Variants in DEGS2 observed in about 807,000 individuals in gnomAD.
The protein encoded by DEGS2 is sphingolipid delta(4)-desaturase/C4-monooxygenase DES2.
Under a neutral mutation model 23.8 loss-of-function variants are expected in DEGS2, and 19 were observed. That is an observed-to-expected ratio of 0.80 (90% CI 0.56 to 1.17). The LOEUF is 1.17. DEGS2 is among the 50% of genes most tolerant of loss of function. DEGS2 has a pLI of 0.00. For synonymous variants in DEGS2, 218 were observed against 213.7 expected, an observed-to-expected ratio of 1.02 and a Z score of -0.18; for missense variants, 390 against 459.5, an observed-to-expected ratio of 0.85 and a Z score of 1.38.
chr14:100,162,668 G>A (rs1889762986), upstream of DEGS2, among the ~76,000 whole-genome samples: 1 of 152,212 alleles, frequency 6.6e-6, no homozygotes, highest in African/African-American at 2.4e-5. Context: ...AAACTGAGAG[G>A]GAGCCCACCA....
In DEGS2 at chr14:100,148,656, G is replaced by A. The variant is rs145906721; in HGVS notation, c.825+312C>T. ...GCAGACGGGAAGGATGGTGCTTCCC[G>A]TGCAGTGTTGCTAATGCTGCCCCTC... is the stretch of plus-strand genomic sequence containing the variant. On this transcript the variant is annotated intron_variant, in intron 2 of 2. Coordinates refer to ENST00000305631, the MANE Select transcript of DEGS2 (RefSeq NM_206918.3). Among the ~76,000 whole-genome samples, 92 of 152,322 alleles carry A rather than the reference G, an allele frequency of 6.0e-4. No homozygotes were observed. In the East Asian group the frequency reaches 0.011, roughly 18 times the overall value.
In DEGS2 at chr14:100,159,620, C is replaced by G. The variant is rs1428679702; in HGVS notation, c.-33G>C. ...CGGGAGGCGCCGTTCGGAGCGCGGC[C>G]GGCTCGGCTCTGCTGCACCTGTCGC... On this transcript the variant is annotated 5_prime_UTR_variant, in exon 1 of 3. Transcript: ENST00000305631. 1 of 1,334,714 alleles carries G rather than the reference C, an allele frequency of 7.5e-7. No individual in the cohort carries two copies. Among genetic ancestry groups the G allele is most frequent in the Non-Finnish European group, 9.8e-7 (1 of 1,023,436 alleles). The allele number at this position is 1,334,714 out of a possible 1,614,324, so 82.7% of individuals were successfully genotyped here. A position where few individuals can be genotyped will look rare whatever the true frequency, so the allele number is the denominator to read the frequency against.
chr14:100,149,745 C>A, intron 1 of DEGS2, 35 bp from the exon 2 acceptor site: 1 of 1,555,422 alleles, frequency 6.4e-7, no homozygotes, highest in South Asian at 1.2e-5. Context: ...AGGCCCCGCT[C>A]GGTGGGGCTG....
rs1266550230 is a variant in DEGS2, at chr14:100,146,635, G to A, written c.*126C>T. ...CTGCTGTTGCCAGGTGTGGCTGCGC[G>A]GGACACTCCTCGGGGACAAGGGCAG... On this transcript the variant is annotated 3_prime_UTR_variant, in exon 3 of 3. Transcript: ENST00000305631. The A allele has an allele frequency of 2.0e-5, 27 of 1,382,744 alleles. No homozygotes were observed. The highest frequency in any genetic ancestry group is 7.2e-5 in the African/African-American group (5 of 69,330). The allele number at this position is 1,382,744 out of a possible 1,614,324, so 85.7% of individuals were successfully genotyped here. A position where few individuals can be genotyped will look rare whatever the true frequency, so the allele number is the denominator to read the frequency against.
In DEGS2 at chr14:100,146,872, C is replaced by T; in HGVS notation, c.861G>A (p.Leu287=). ...CCTTCACCCAGGAGTGGTGCTGCGG[C>T]AGGTGGTCGTAGTACTCGGGCGCGA... The part of the protein sequence containing the change: ...RKIAPEYYDH[L]PQHHSWVKVL... The change falls in exon 3 of 3, where the codon CTG becomes CTA. Residue 287 remains leucine, a synonymous_variant. Transcript: ENST00000305631. The T allele has an allele frequency of 1.9e-6, 3 of 1,613,688 alleles. No homozygotes were observed. The highest frequency in any genetic ancestry group is 2.2e-5 in the East Asian group (1 of 44,868).
rs1889392159 is a variant in DEGS2 at position 100,144,376 on chromosome 14, A to G, written c.*2385T>C. The G allele has an allele frequency of 6.6e-6, 1 of 152,356 alleles. No homozygotes were observed. The highest frequency in any genetic ancestry group is 1.5e-5 in the Non-Finnish European group (1 of 68,176). The allele number at this position is 152,356 out of a possible 1,614,324, so 9.4% of individuals were successfully genotyped here. On this transcript the variant is annotated 3_prime_UTR_variant, in exon 3 of 3. Transcript: ENST00000305631. Reference sequence around the variant, plus strand: ...TTCGACAGGAAGCTGGGCTCAGAACATTCCCAAGCCCCGGGAAGGTGGGGT... The same window carrying G: ...TTCGACAGGAAGCTGGGCTCAGAACGTTCCCAAGCCCCGGGAAGGTGGGGT...
At position 100,146,536 on chromosome 14, in the gene DEGS2, G is replaced by T. The variant is rs1446972662; in HGVS notation, c.*225C>A. ...TGGGGCAGGGCCAGGCCTCACCTGG[G>T]GAGGCCCAGAAAGGGAGGGCCACAC... On this transcript the variant is annotated 3_prime_UTR_variant, in exon 3 of 3. Coordinates refer to ENST00000305631, the MANE Select transcript of DEGS2 (RefSeq NM_206918.3). 2 of 581,518 alleles carry T rather than the reference G, an allele frequency of 3.4e-6. No homozygotes were observed. Among genetic ancestry groups the T allele is most frequent in the South Asian group, 4.4e-5 (2 of 45,744 alleles). 36.0% of individuals were successfully genotyped at this position (581,518 alleles called of 1,614,324 possible).
upstream of DEGS2, among the ~76,000 whole-genome samples, chr14:100,162,581 C>G (rs1229316675): frequency 6.6e-6 from 1 of 152,014 alleles, no homozygotes; most frequent in Non-Finnish European, 1.5e-5. Flanking sequence ...AATATAGTTT[C>G]TTTTAAATAT....
Position 100,146,811 on chromosome 14 carries a change from G to A in DEGS2, c.922C>T (p.Pro308Ser), listed in dbSNP as rs1566739724. The change falls in exon 3 of 3, where the codon CCC becomes TCC. Residue 308 changes from proline to serine, a missense_variant. Coordinates refer to ENST00000305631, the MANE Select transcript of DEGS2 (RefSeq NM_206918.3). ...WDFVFEDSLG[P>S]YARVKRVYRL... Reference sequence around the variant, plus strand: ...TACACCCGCTTCACCCTGGCATAGGGCCCCAGGGAGTCCTCAAACACAAAA... The same window carrying A: ...TACACCCGCTTCACCCTGGCATAGGACCCCAGGGAGTCCTCAAACACAAAA... 6.2e-7 allele frequency: 1 copy of A among 1,613,800 alleles called. No homozygotes were observed. Among genetic ancestry groups the A allele is most frequent in the East Asian group, 2.2e-5 (1 of 44,868 alleles).
Position 100,146,562 on chromosome 14 carries a change from T to G in DEGS2, c.*199A>C, listed in dbSNP as rs1368355704. The G allele has an allele frequency of 8.5e-6, 6 of 704,452 alleles. No homozygotes were observed. Among genetic ancestry groups the G allele is most frequent in the Non-Finnish European group, 1.4e-5 (6 of 444,214 alleles). 43.6% of individuals were successfully genotyped at this position (704,452 alleles called of 1,614,324 possible). A position where few individuals can be genotyped will look rare whatever the true frequency, so the allele number is the denominator to read the frequency against. On this transcript the variant is annotated 3_prime_UTR_variant, in exon 3 of 3. Transcript: ENST00000305631. ...GAGGCCCAGAAAGGGAGGGCCACACTCAAGGTCCAGGGCAAGTCCACGTGC... is the reference window on the plus strand; with the variant it reads ...GAGGCCCAGAAAGGGAGGGCCACACGCAAGGTCCAGGGCAAGTCCACGTGC...
upstream of DEGS2, among the ~76,000 whole-genome samples, chr14:100,162,998 C>G (rs1002025098): frequency 6.6e-6 from 1 of 152,160 alleles, no homozygotes; most frequent in Non-Finnish European, 1.5e-5. Context: ...CAGCACACGT[C>G]GGAGGAAAGC....
At chr14:100,152,058 CA>C (rs1458895560) in intron 1 of DEGS2, among the ~76,000 whole-genome samples, 6 of 152,086 alleles carry the variant, frequency 3.9e-5, no homozygotes, top group Non-Finnish European at 7.4e-5. Flanking sequence ...GGTCAGCTGC[CA>C]GGGGTCACAG....
intron 1 of DEGS2, among the ~76,000 whole-genome samples, chr14:100,153,573 A>C (rs1370029287): frequency 6.6e-6 from 1 of 152,108 alleles, no homozygotes; most frequent in East Asian, 1.9e-4. Flanking sequence ...CTCTGGCTAG[A>C]CACCCAAACC....
chr14:100,157,830 G>A (rs983795780), intron 1 of DEGS2, among the ~76,000 whole-genome samples: 13 of 152,194 alleles, frequency 8.5e-5, no homozygotes, highest in African/African-American at 2.9e-4. Context: ...GCTCACACCT[G>A]TAATCCCAAC....
chr14:100,149,509 G>T lies in DEGS2; in HGVS notation c.284C>A (p.Ala95Glu), dbSNP rs754615247. 1 of 1,600,968 alleles carries T rather than the reference G, an allele frequency of 6.2e-7. No homozygotes were observed. The highest frequency in any genetic ancestry group is 8.5e-7 in the Non-Finnish European group (1 of 1,175,290). The change falls in exon 2 of 3, where the codon GCG (alanine) becomes GAG (glutamate). Residue 95 changes from alanine to glutamate, a missense_variant. Coordinates refer to ENST00000305631, the MANE Select transcript of DEGS2 (RefSeq NM_206918.3). ...TGCCGCACGGCCCGTGCCGAAGGCC[G>T]CGTTGTGCGAGATGTCGTGGATGGC... ...TLAIHDISHN[A>E]AFGTGRAARN...
At chr14:100,163,398 C>T (rs1036447048), upstream of DEGS2, among the ~76,000 whole-genome samples, 3 of 152,128 alleles carry the variant, frequency 2.0e-5, no homozygotes, top group Non-Finnish European at 4.4e-5. Context: ...GCTGAGATTT[C>T]GCTACTGCAC....
At chr14:100,148,515 A>C in intron 2 of DEGS2, among the ~76,000 whole-genome samples, 1 of 151,220 alleles carries the variant, frequency 6.6e-6, no homozygotes, top group East Asian at 1.9e-4. Context: ...CGGGGCTTCC[A>C]CTCCCCATCA....
In DEGS2 at chr14:100,152,751, C is replaced by T. The variant is rs531468121; in HGVS notation, c.83-3041G>A. 4.4e-4 allele frequency among the ~76,000 whole-genome samples: 67 copies of T among 152,228 alleles called. No individual in the cohort carries two copies. The East Asian group carries it at 4.8e-3, about 11-fold the overall frequency. ...CCGTCGAGTTCCCTGGTTCTGAGGCCCTCAGACTCAGACTGAACCACGCTA... is the reference window on the plus strand; with the variant it reads ...CCGTCGAGTTCCCTGGTTCTGAGGCTCTCAGACTCAGACTGAACCACGCTA... On this transcript the variant is annotated intron_variant, in intron 1 of 2. Transcript: ENST00000305631.
chr14:100,146,843 A>T lies in DEGS2; in HGVS notation c.890T>A (p.Leu297His), dbSNP rs374075189. Reference sequence around the variant, plus strand: ...GGAGTCCTCAAACACAAAATCCCAGAGCACCTTCACCCAGGAGTGGTGCTG... The same window carrying T: ...GGAGTCCTCAAACACAAAATCCCAGTGCACCTTCACCCAGGAGTGGTGCTG... ...LPQHHSWVKV[L>H]WDFVFEDSLG... Residue 297 changes from leucine (L) to histidine (H), a missense_variant, in exon 3 of 3, where the codon CTC (leucine) becomes CAC (histidine). Leu to His is a moderately conservative substitution (Grantham distance 99). Coordinates refer to ENST00000305631, the MANE Select transcript of DEGS2 (RefSeq NM_206918.3). 4 of 1,613,600 alleles carry T rather than the reference A, an allele frequency of 2.5e-6. No individual in the cohort carries two copies. The African/African-American group carries it at 5.3e-5, about 22-fold the overall frequency.
Sources: gnomAD v4.1 joint callset for allele counts (sites outside exome capture counted in the v4.1 genomes callset) on GRCh38, gnomAD v4.1.1 for gene constraint, MANE v1.5 for transcripts, NCBI Gene and HGNC (gene_info 2026-07-23, HGNC 2026-07-21) for gene names.